BMP5: variants seen among roughly 807,000 people sequenced by gnomAD.
The protein encoded by BMP5 is bone morphogenetic protein 5.
BMP5 carries 23 observed loss-of-function variants against 46.6 expected under a neutral mutation model. The observed-to-expected ratio is 0.49, with a 90% CI of 0.35 to 0.70. The LOEUF (loss-of-function observed/expected upper bound fraction) is 0.70. Ranked by LOEUF, BMP5 falls within the 30% of genes least tolerant of loss-of-function variation. The pLI, the probability that BMP5 is intolerant of heterozygous loss-of-function variation, is 0.00. For synonymous variants in BMP5, 204 were observed against 191.9 expected (o/e 1.06, Z -0.52); for missense variants, 545 against 565.6 (o/e 0.96, Z 0.37).
chr6:55,787,475 AT>A (rs2127526394), intron 3 of BMP5, among the ~76,000 whole-genome samples: 1 of 151,860 alleles, frequency 6.6e-6, no homozygotes, highest in Admixed American at 6.6e-5. Context: ...AGATGTGGCA[AT>A]TTTGGAAAAA....
chr6:55,766,653 C>T (rs1205893625), intron 4 of BMP5, among the ~76,000 whole-genome samples: 1 of 152,070 alleles, frequency 6.6e-6, no homozygotes, highest in Non-Finnish European at 1.5e-5. Context: ...TTTTAAAATG[C>T]ATATCTGGTT....
intron 2 of BMP5, among the ~76,000 whole-genome samples, chr6:55,797,433 A>G (rs1378780072): frequency 6.6e-6 from 1 of 152,204 alleles, no homozygotes; most frequent in African/African-American, 2.4e-5. Flanking sequence ...TGCGATAGAG[A>G]AAATACATGT....
In BMP5 at chr6:55,843,785, C is replaced by G. The variant is rs998446020; in HGVS notation, c.491-23938G>C. On this transcript the variant is annotated intron_variant, in intron 1 of 6. Transcript: ENST00000370830. ...ATAAGGCTTTTTAATAGTGCCTGAGCCAAGATTTATATGCAGGTTTGCCTG... is the reference window on the plus strand; with the variant it reads ...ATAAGGCTTTTTAATAGTGCCTGAGGCAAGATTTATATGCAGGTTTGCCTG... 2.6e-5 allele frequency among the ~76,000 whole-genome samples: 4 copies of G among 151,932 alleles called. No individual in the cohort carries two copies. The South Asian group carries it at 8.3e-4, about 31-fold the overall frequency.
At chr6:55,770,350 T>C (rs1050211649) in intron 4 of BMP5, among the ~76,000 whole-genome samples, 1 of 151,896 alleles carries the variant, frequency 6.6e-6, no homozygotes, top group African/African-American at 2.4e-5. Context: ...TCCTTAAACG[T>C]CATGAACCAA....
At chr6:55,866,382 A>T (rs1364287263) in intron 1 of BMP5, among the ~76,000 whole-genome samples, 1 of 152,194 alleles carries the variant, frequency 6.6e-6, no homozygotes, top group Non-Finnish European at 1.5e-5. Context: ...TAAAGGTAGC[A>T]AAGAAGAAAG....
chr6:55,874,260 A>T (rs1469598886), intron 1 of BMP5, 116 bp downstream of exon 1: 4 of 1,315,922 alleles, frequency 3.0e-6, no homozygotes, highest in Admixed American at 3.7e-5. Flanking sequence ...GCTAAACAGG[A>T]GAGTTAGAGA....
chr6:55,794,101 T>C (rs1231856273), intron 3 of BMP5, among the ~76,000 whole-genome samples, 178 bp downstream of exon 3: 1 of 152,034 alleles, frequency 6.6e-6, no homozygotes, highest in Non-Finnish European at 1.5e-5. Flanking sequence ...AATAAATGTA[T>C]TGGATAAATG....
chr6:55,767,259 AAGAG>A (rs1184394237), intron 4 of BMP5, among the ~76,000 whole-genome samples: 5 of 152,026 alleles, frequency 3.3e-5, no homozygotes, highest in African/African-American at 1.2e-4. Context: ...GAGTACTTAT[AAGAG>A]AGAGTGTGAA....
chr6:55,851,216 C>G (rs1334953019), intron 1 of BMP5, among the ~76,000 whole-genome samples: 1 of 151,596 alleles, frequency 6.6e-6, no homozygotes, highest in South Asian at 2.1e-4. Flanking sequence ...TTTCTTCTCC[C>G]CATTCTAAGC....
At chr6:55,867,193 T>G (rs1777663331) in intron 1 of BMP5, among the ~76,000 whole-genome samples, 1 of 152,104 alleles carries the variant, frequency 6.6e-6, no homozygotes, top group Admixed American at 6.5e-5. Flanking sequence ...TGGGTATTTA[T>G]CCCTTGGTAT....
intron 1 of BMP5, among the ~76,000 whole-genome samples, chr6:55,853,431 A>G (rs1777304725): frequency 6.7e-6 from 1 of 149,874 alleles, no homozygotes; most frequent in Non-Finnish European, 1.5e-5. Context: ...TATTAACATC[A>G]TTGCTGTACC....
intron 3 of BMP5, among the ~76,000 whole-genome samples, chr6:55,774,701 T>G (rs1198991951): frequency 6.6e-6 from 1 of 151,964 alleles, no homozygotes; most frequent in Non-Finnish European, 1.5e-5. Flanking sequence ...TTTCAAGTGT[T>G]AATTAGTGGT....
chr6:55,826,526 G>C (rs1429398018), intron 1 of BMP5, among the ~76,000 whole-genome samples: 1 of 151,408 alleles, frequency 6.6e-6, no homozygotes, highest in East Asian at 1.9e-4. Flanking sequence ...CAAGAATTAA[G>C]CCTTACATAA....
chr6:55,819,860 AG>A lies in BMP5; in HGVS notation c.491-14del. On this transcript the variant is annotated splice_polypyrimidine_tract_variant and intron_variant, in intron 1 of 6. Coordinates refer to ENST00000370830, the MANE Select transcript of BMP5 (RefSeq NM_021073.4). ...TTGTCTCTTTCAACTGAAAAAATAA[AG>A]GGGGTTGAGGGGGAAAAAAGTTAGT... 1 of 1,602,660 alleles carries A rather than the reference AG, an allele frequency of 6.2e-7. No homozygotes were observed. Among genetic ancestry groups the A allele is most frequent in the South Asian group, 1.1e-5 (1 of 90,792 alleles).
intron 3 of BMP5, among the ~76,000 whole-genome samples, chr6:55,787,513 A>G (rs1187190083): frequency 6.6e-6 from 1 of 151,696 alleles, no homozygotes; most frequent in Non-Finnish European, 1.5e-5. Flanking sequence ...ACATTTAGGA[A>G]ATATTACTGG....
chr6:55,828,737 A>G (rs72868897), intron 1 of BMP5, among the ~76,000 whole-genome samples: 255 of 151,972 alleles, frequency 1.7e-3, no homozygotes, highest in Non-Finnish European at 2.5e-3. Context: ...TATTTGCTCA[A>G]TATTTCTCTA....
intron 2 of BMP5, among the ~76,000 whole-genome samples, chr6:55,806,194 G>A (rs539276471): frequency 6.6e-6 from 1 of 152,230 alleles, no homozygotes; most frequent in East Asian, 1.9e-4. Context: ...GGGTTTTTAT[G>A]ATTTGGGGCT....
At chr6:55,796,920 A>G (rs1404078827) in intron 2 of BMP5, among the ~76,000 whole-genome samples, 1 of 152,216 alleles carries the variant, frequency 6.6e-6, no homozygotes. Context: ...ATATATTTCT[A>G]GTTCACCTCT....
chr6:55,794,412 G>T lies in BMP5; in HGVS notation c.699C>A (p.Phe233Leu). The change falls in exon 3 of 7, where the codon TTC becomes TTA. Residue 233 changes from phenylalanine (F) to leucine (L), a missense_variant. Physicochemically the swap from Phe to Leu is conservative, Grantham distance 22. Coordinates refer to ENST00000370830, the MANE Select transcript of BMP5 (RefSeq NM_021073.4). The part of the protein sequence containing the change: ...KEYTNRDADL[F>L]LLDTRKAQAL... ...CTTGGGCCTTTCTTGTGTCTAACAA[G>T]AACAGATCTGCATCCCTAAAAAGAA... is the stretch of plus-strand genomic sequence containing the variant. 6.2e-7 allele frequency: 1 copy of T among 1,613,824 alleles called. No individual in the cohort carries two copies. The highest frequency in any genetic ancestry group is 8.5e-7 in the Non-Finnish European group (1 of 1,179,846).
Sources: allele counts gnomAD v4.1 joint callset (sites outside exome capture counted in the v4.1 genomes callset), GRCh38; gene constraint gnomAD v4.1.1; transcripts MANE v1.5; gene names NCBI Gene and HGNC (gene_info 2026-07-23, HGNC 2026-07-21).